OSBPL3: variants seen among roughly 807,000 people sequenced by gnomAD.
OSBPL3 encodes oxysterol-binding protein-related protein 3.
A neutral mutation model predicts 120.1 loss-of-function variants in OSBPL3; 65 were observed. That is an observed-to-expected ratio of 0.54 (90% confidence interval 0.44 to 0.67). The LOEUF (loss-of-function observed/expected upper bound fraction) is 0.67. Among genes scored for constraint, OSBPL3 ranks in the 30% least tolerant of loss-of-function variants. The pLI is 0.00. For synonymous variants in OSBPL3, 416 were observed against 402.6 expected, an observed-to-expected ratio of 1.03 and a Z score of -0.40; for missense variants, 1,004 against 1,082.1, an observed-to-expected ratio of 0.93 and a Z score of 1.01.
chr7:24,845,384 TAAAAAAAAAAAAAAAA>T (rs34559902), intron 12 of OSBPL3, among the ~76,000 whole-genome samples: 4 of 62,264 alleles, frequency 6.4e-5, no homozygotes, highest in Non-Finnish European at 8.3e-5. Context: ...GCAAAATAAG[TAAAAAAAAAAAAAAAA>T]AAAAAAAAAA....
At position 24,862,047 on chromosome 7, in the gene OSBPL3, C is replaced by T. The variant is rs569050291; in HGVS notation, c.871-278G>A. On this transcript the variant is annotated intron_variant, in intron 9 of 22. Coordinates refer to ENST00000313367, the MANE Select transcript of OSBPL3 (RefSeq NM_015550.4). This position sits in a 1 kb window ranked among gnomAD's most constrained non-coding sequence, Gnocchi z 4.4. Reference sequence around the variant, plus strand: ...GACTACAGGCGCCCGCCACCACGCCCGGCTAATTTTTTGTATTTTTAGTAG... The same window carrying T: ...GACTACAGGCGCCCGCCACCACGCCTGGCTAATTTTTTGTATTTTTAGTAG... 5.9e-5 allele frequency among the ~76,000 whole-genome samples: 9 copies of T among 152,068 alleles called. No individual in the cohort carries two copies. Among genetic ancestry groups the T allele is most frequent in the South Asian group, 4.2e-4 (2 of 4,814 alleles).
intron 1 of OSBPL3, among the ~76,000 whole-genome samples, chr7:24,919,046 T>C (rs761298479): frequency 5.9e-5 from 9 of 152,168 alleles, no homozygotes; most frequent in Non-Finnish European, 1.3e-4. Context: ...TTGGAATATG[T>C]CTGATTCCAT....
rs117430775 is a variant in OSBPL3 at position 24,805,558 on chromosome 7, C to G, written c.2445-1121G>C. Among the ~76,000 whole-genome samples, 99 of 152,232 alleles carry G rather than the reference C, an allele frequency of 6.5e-4. No homozygotes were observed. The highest frequency in any genetic ancestry group is 1.0e-3 in the Non-Finnish European group (69 of 67,994). On this transcript the variant is annotated intron_variant, in intron 21 of 22. Coordinates refer to ENST00000313367, the MANE Select transcript of OSBPL3 (RefSeq NM_015550.4). The surrounding 1 kb of genome is among the most constrained non-coding windows in gnomAD (Gnocchi z 4.0). Reference sequence around the variant, plus strand: ...ATTCTTAGGCTTGATTTAAGAAACACAATTGTAACAGACTTTATACAAAAA... The same window carrying G: ...ATTCTTAGGCTTGATTTAAGAAACAGAATTGTAACAGACTTTATACAAAAA...
chr7:24,830,953 T>G lies in OSBPL3; in HGVS notation c.1747-48A>C. On this transcript the variant is annotated intron_variant, in intron 15 of 22. Coordinates refer to ENST00000313367, the MANE Select transcript of OSBPL3 (RefSeq NM_015550.4). The surrounding 1 kb of genome is among the most constrained non-coding windows in gnomAD (Gnocchi z 4.4). ...TTGTCATTTCCGTGTCACCAAGAGC[T>G]TTATTGTTCACAAAGAACTAAACAA... The G allele has an allele frequency of 6.6e-7, 1 of 1,526,696 alleles. No homozygotes were observed. Among genetic ancestry groups the G allele is most frequent in the Non-Finnish European group, 8.8e-7 (1 of 1,139,452 alleles). The allele number at this position is 1,526,696 out of a possible 1,614,324, so 94.6% of individuals were successfully genotyped here.
Position 24,937,684 on chromosome 7 carries a change from T to C in OSBPL3, c.-150+42202A>G. ...TGGAGGTTTATGGTGCTATCAGGCA[T>C]AAAACATGAAACACCTTAAACCTAA... On this transcript the variant is annotated intron_variant, in intron 1 of 22. Coordinates refer to ENST00000313367, the MANE Select transcript of OSBPL3 (RefSeq NM_015550.4). The surrounding 1 kb of genome is among the most constrained non-coding windows in gnomAD (Gnocchi z 4.0). Among the ~76,000 whole-genome samples, 1 of 152,304 alleles carries C rather than the reference T, an allele frequency of 6.6e-6. No homozygotes were observed. The highest frequency in any genetic ancestry group is 3.4e-3 in the Middle Eastern group (1 of 294).
At chr7:24,970,582 T>C (rs1584764187) in intron 1 of OSBPL3, among the ~76,000 whole-genome samples, 1 of 152,056 alleles carries the variant, frequency 6.6e-6, no homozygotes, top group African/African-American at 2.4e-5. Context: ...TACAGATAGA[T>C]AGATATAAAA....
chr7:24,826,959 G>A (rs1795783431), intron 16 of OSBPL3, among the ~76,000 whole-genome samples: 3 of 152,132 alleles, frequency 2.0e-5, no homozygotes. Flanking sequence ...CAAGGGGCTT[G>A]GAAGAGAGGC....
chr7:24,839,212 G>A (rs1797388500), intron 14 of OSBPL3, among the ~76,000 whole-genome samples: 2 of 152,308 alleles, frequency 1.3e-5, no homozygotes, highest in South Asian at 4.1e-4. Context: ...CCAATGCATA[G>A]TGCAGACAAA....
In OSBPL3 at chr7:24,818,943, C is replaced by G. The variant is rs1320120145; in HGVS notation, c.1948+1232G>C. Among the ~76,000 whole-genome samples the G allele has an allele frequency of 1.3e-5, 2 of 151,988 alleles. No homozygotes were observed. Among genetic ancestry groups the G allele is most frequent in the Non-Finnish European group, 2.9e-5 (2 of 67,978 alleles). ...AGCACACAAAACTACTTTGAGAAGA[C>G]CCCTCGCATTAAAAAAAAATCCAAC... On this transcript the variant is annotated intron_variant, in intron 17 of 22. Coordinates refer to ENST00000313367, the MANE Select transcript of OSBPL3 (RefSeq NM_015550.4). This position sits in a 1 kb window ranked among gnomAD's most constrained non-coding sequence, Gnocchi z 4.0.
chr7:24,933,450 T>A lies in OSBPL3; in HGVS notation c.-149-40829A>T, dbSNP rs982922673. 2.0e-5 allele frequency among the ~76,000 whole-genome samples: 3 copies of A among 152,154 alleles called. No homozygotes were observed. Among genetic ancestry groups the A allele is most frequent in the African/African-American group, 7.2e-5 (3 of 41,432 alleles). Reference sequence around the variant, plus strand: ...CATAACAATATGTTAAGTTTATGAATATTTAAAAAGATGCCCAACATCAGG... The same window carrying A: ...CATAACAATATGTTAAGTTTATGAAAATTTAAAAAGATGCCCAACATCAGG... On this transcript the variant is annotated intron_variant, in intron 1 of 22. Coordinates refer to ENST00000313367, the MANE Select transcript of OSBPL3 (RefSeq NM_015550.4). The surrounding 1 kb of genome is among the most constrained non-coding windows in gnomAD (Gnocchi z 5.1).
At chr7:24,886,867 C>T (rs1030588340) in intron 2 of OSBPL3, among the ~76,000 whole-genome samples, 2 of 152,264 alleles carry the variant, frequency 1.3e-5, no homozygotes, top group Non-Finnish European at 1.5e-5. Flanking sequence ...CATGAATCAA[C>T]TCTAATCAGC....
chr7:24,845,708 T>C (rs1798369409), intron 12 of OSBPL3, among the ~76,000 whole-genome samples: 1 of 152,108 alleles, frequency 6.6e-6, no homozygotes. Flanking sequence ...AATTTTTTTC[T>C]ATTGCAACCC....
At chr7:24,876,705 T>C (rs908026206) in intron 2 of OSBPL3, among the ~76,000 whole-genome samples, 3 of 152,138 alleles carry the variant, frequency 2.0e-5, no homozygotes, top group Admixed American at 2.0e-4. Flanking sequence ...CACAAAAGAA[T>C]AGTGCCTCAG....
intron 1 of OSBPL3, among the ~76,000 whole-genome samples, chr7:24,935,381 T>C (rs985711233): frequency 2.0e-5 from 3 of 152,198 alleles, no homozygotes; most frequent in Non-Finnish European, 4.4e-5. Context: ...AATTTTTACA[T>C]GTACTCACTT....
chr7:24,951,148 T>C (rs1390860775), intron 1 of OSBPL3, among the ~76,000 whole-genome samples: 1 of 152,056 alleles, frequency 6.6e-6, no homozygotes, highest in African/African-American at 2.4e-5. Context: ...GGATGGAAAG[T>C]AGGAGAAAAG....
At chr7:24,861,886 T>C in intron 9 of OSBPL3, 117 bp from the exon 10 acceptor site, 1 of 160,150 alleles carries the variant, frequency 6.2e-6, no homozygotes, top group South Asian at 3.1e-4. Flanking sequence ...AGGTAGGTCT[T>C]TTTTTTTTTT....
intron 1 of OSBPL3, among the ~76,000 whole-genome samples, chr7:24,893,087 T>C (rs768795407): frequency 6.6e-6 from 1 of 152,158 alleles, no homozygotes; most frequent in African/African-American, 2.4e-5. Context: ...AATTTAAACA[T>C]AGAATTATCA....
chr7:24,830,833 G>A lies in OSBPL3; in HGVS notation c.1819C>T (p.Pro607Ser). 1 of 1,614,042 alleles carries A rather than the reference G, an allele frequency of 6.2e-7. No individual in the cohort carries two copies. The highest frequency in any genetic ancestry group is 8.5e-7 in the Non-Finnish European group (1 of 1,179,950). ...YYRAGSKPFN[P>S]VLGETYECIR... ...CATTCATATGTTTCTCCAAGAACCG[G>A]ATTAAATGGCTTGCTTCCAGCTCGG... is the stretch of plus-strand genomic sequence containing the variant. Residue 607 changes from proline to serine, a missense_variant, in exon 16 of 23, where the codon CCG (proline) becomes TCG (serine). Coordinates refer to ENST00000313367, the MANE Select transcript of OSBPL3 (RefSeq NM_015550.4). The surrounding 1 kb of genome is among the most constrained non-coding windows in gnomAD (Gnocchi z 4.4).
At chr7:24,836,061 G>C (rs1454302220) in intron 14 of OSBPL3, among the ~76,000 whole-genome samples, 1 of 151,596 alleles carries the variant, frequency 6.6e-6, no homozygotes, top group East Asian at 1.9e-4. Flanking sequence ...ATGTACCCCT[G>C]AACCTAAGAG....
Sources: gnomAD v4.1 joint callset for allele counts (sites outside exome capture counted in the v4.1 genomes callset) on GRCh38, gnomAD v4.1.1 for gene constraint, Gnocchi (gnomAD v3.1) non-coding constraint, MANE v1.5 for transcripts, NCBI Gene and HGNC (gene_info 2026-07-23, HGNC 2026-07-21) for gene names.